S100A7: variants seen among roughly 807,000 people sequenced by gnomAD.
S100A7 encodes the protein S100 calcium binding protein A7, also known as protein S100-A7.
In S100A7, 2 loss-of-function variants were observed where a neutral mutation model predicts 3.8. That is an observed-to-expected ratio of 0.53 (90% CI 0.22 to 1.67). S100A7 has a LOEUF of 1.67. Among genes scored for constraint, S100A7 ranks in the 40% most tolerant of loss-of-function variants. The pLI is 0.20. For missense variants in S100A7, 130 were observed against 126.3 expected (o/e 1.03, Z -0.14); for synonymous variants, 55 against 45.9 (o/e 1.20, Z -0.80).
rs1571203329 is a variant in S100A7 at position 153,458,800 on chromosome 1, G to A, written c.141+73C>T. The A allele has an allele frequency of 2.6e-6, 4 of 1,543,162 alleles. No individual in the cohort carries two copies. The East Asian group carries it at 9.1e-5, about 35-fold the overall frequency. On this transcript the variant is annotated intron_variant, in intron 2 of 2. Coordinates refer to ENST00000368723, the MANE Select transcript of S100A7 (RefSeq NM_002963.4). ...CAAATGGGAAATTTTTTAATCAGAG[G>A]GTGAGGGTGATCTGTCCAAGGCCAC...
intron 1 of S100A7, among the ~76,000 whole-genome samples, chr1:153,459,462 A>T (rs1663769765): frequency 6.6e-6 from 1 of 152,162 alleles, no homozygotes; most frequent in Non-Finnish European, 1.5e-5. Flanking sequence ...GGCCTTGGTG[A>T]TCTGGTGTCT....
At chr1:153,458,751 A>T in intron 2 of S100A7, 122 bp downstream of exon 2, 1 of 1,172,554 alleles carries the variant, frequency 8.5e-7, no homozygotes, top group Non-Finnish European at 1.2e-6. Context: ...TTCACATATG[A>T]TCCAAGTAAT....
chr1:153,459,529 G>T (rs1177279320), intron 1 of S100A7, among the ~76,000 whole-genome samples: 1 of 152,204 alleles, frequency 6.6e-6, no homozygotes, highest in Non-Finnish European at 1.5e-5. Context: ...TGACTCAAGT[G>T]CAAGCCCTGC....
intron 1 of S100A7, among the ~76,000 whole-genome samples, chr1:153,460,370 C>T (rs1159463337): frequency 6.6e-6 from 1 of 152,158 alleles, no homozygotes; most frequent in Non-Finnish European, 1.5e-5. Flanking sequence ...GGGACATTTC[C>T]ACAGGAGTTG....
chr1:153,458,693 T>A (rs1235116269), intron 2 of S100A7, among the ~76,000 whole-genome samples, 180 bp downstream of exon 2: 1 of 152,182 alleles, frequency 6.6e-6, no homozygotes, highest in African/African-American at 2.4e-5. Context: ...CCTTTATATC[T>A]GTATAACTCT....
At chr1:153,458,044 G>A in intron 2 of S100A7, 74 bp from the exon 3 acceptor site, 1 of 1,534,344 alleles carries the variant, frequency 6.5e-7, no homozygotes, top group Non-Finnish European at 8.9e-7. Context: ...GAGAGGAGGA[G>A]GCAGAGATAC....
intron 2 of S100A7, among the ~76,000 whole-genome samples, chr1:153,458,233 G>C (rs1663735521): frequency 6.6e-6 from 1 of 151,978 alleles, no homozygotes; most frequent in African/African-American, 2.4e-5. Context: ...TGACCTTGGG[G>C]AGAGCAGTCC....
At chr1:153,459,154 A>ATT in intron 1 of S100A7, 124 bp from the exon 2 acceptor site, 1 of 1,156,396 alleles carries the variant, frequency 8.6e-7, no homozygotes, top group Non-Finnish European at 1.2e-6. Flanking sequence ...AACGAACTCA[A>ATT]TTTTTTTTTA....
chr1:153,459,737 A>G (rs535433015), intron 1 of S100A7: 1 of 152,232 alleles, frequency 6.6e-6, no homozygotes, highest in Non-Finnish European at 1.5e-5. Context: ...GTGAGGTGGG[A>G]GTCACTTCAT....
rs75540133 is a variant in S100A7, at chr1:153,459,120, A to G, written c.-17-90T>C. On this transcript the variant is annotated intron_variant, in intron 1 of 2. Transcript: ENST00000368723. The stretch of plus-strand genomic sequence containing the variant: ...CTGGAAGGAGGGCTGAGGACAGAGT[A>G]AAAACACGGATAAGGTGTAGCAGAA... The G allele has an allele frequency of 3.9e-4, 570 of 1,457,836 alleles. 5 individuals carry two copies. In the Middle Eastern group the frequency reaches 0.012, roughly 31 times the overall value. 90.3% of individuals were successfully genotyped at this position (1,457,836 alleles called of 1,614,324 possible). A position where few individuals can be genotyped will look rare whatever the true frequency, so the allele number is the denominator to read the frequency against.
chr1:153,459,617 G>A (rs1007880564), intron 1 of S100A7, among the ~76,000 whole-genome samples: 17 of 152,156 alleles, frequency 1.1e-4, no homozygotes, highest in Admixed American at 6.5e-4. Flanking sequence ...GTCCTGTCCC[G>A]AGCACAGGGG....
Position 153,457,927 on chromosome 1 carries a change from T to G in S100A7, c.185A>C (p.Lys62Thr). The G allele has an allele frequency of 6.2e-7, 1 of 1,614,114 alleles. No homozygotes were observed. Among genetic ancestry groups the G allele is most frequent in the Non-Finnish European group, 8.5e-7 (1 of 1,180,006 alleles). ...TNYLADVFEK[K>T]DKNEDKKIDF... is the part of the protein sequence containing the mutation. ...AATCTTCTTATCCTCATTCTTGTCCTTTTTCTCAAAGACATCGGCGAGGTA... is the reference window on the plus strand; with the variant it reads ...AATCTTCTTATCCTCATTCTTGTCCGTTTTCTCAAAGACATCGGCGAGGTA... Residue 62 changes from lysine to threonine, a missense_variant, in exon 3 of 3, where the codon AAG becomes ACG. Coordinates refer to ENST00000368723, the MANE Select transcript of S100A7 (RefSeq NM_002963.4).
intron 1 of S100A7, chr1:153,459,795 C>G (rs1041082901): frequency 2.0e-5 from 3 of 152,188 alleles, no homozygotes; most frequent in Admixed American, 6.5e-5. Context: ...CAAGCCTTGA[C>G]TGTTTAAATA....
rs768769241 is a variant in S100A7 at position 153,458,982 on chromosome 1, A to G, written c.32T>C (p.Ile11Thr). 2 of 1,614,072 alleles carry G rather than the reference A, an allele frequency of 1.2e-6. No individual in the cohort carries two copies. Among genetic ancestry groups the G allele is most frequent in the East Asian group, 2.2e-5 (1 of 44,880 alleles). Reference protein sequence around the residue: MSNTQAERSIIGMIDMFHKYT... With the variant: MSNTQAERSITGMIDMFHKYT... ...TTTGTGAAACATGTCGATCATGCCT[A>G]TTATGGACCTCTCAGCTTGAGTGTT... The change falls in exon 2 of 3, where the codon ATA (isoleucine) becomes ACA (threonine). Residue 11 changes from isoleucine (I) to threonine (T), a missense_variant. Transcript: ENST00000368723.
In S100A7 at chr1:153,458,902, CCTT is replaced by C. The variant is rs765673799; in HGVS notation, c.109_111del (p.Lys37del). 3 of 1,613,864 alleles carry C rather than the reference CCTT, an allele frequency of 1.9e-6. No homozygotes were observed. The highest frequency in any genetic ancestry group is 1.1e-5 in the South Asian group (1 of 91,062). ...GCACTAAGGAAGTTGGGGAAGTTCT[CCTT>C]CATCATCGTCAGCAGGCTTGGCTTC... is the stretch of plus-strand genomic sequence containing the variant. On this transcript the variant is annotated inframe_deletion, in exon 2 of 3. Transcript: ENST00000368723.
chr1:153,459,092 G>T (rs1466890514), intron 1 of S100A7, 62 bp from the exon 2 acceptor site: 3 of 1,568,476 alleles, frequency 1.9e-6, no homozygotes, highest in Non-Finnish European at 2.6e-6. Context: ...CTATTTGGGA[G>T]TGCTGGAAGG....
In S100A7 at chr1:153,458,991, C is replaced by T. The variant is rs1414591332; in HGVS notation, c.23G>A (p.Arg8Lys). Residue 8 changes from arginine to lysine, a missense_variant, in exon 2 of 3, where the codon AGG (arginine) becomes AAG (lysine). Coordinates refer to ENST00000368723, the MANE Select transcript of S100A7 (RefSeq NM_002963.4). MSNTQAE[R>K]SIIGMIDMFH... ...CATGTCGATCATGCCTATTATGGAC[C>T]TCTCAGCTTGAGTGTTGCTCATCTT... 3 of 1,613,908 alleles carry T rather than the reference C, an allele frequency of 1.9e-6. No individual in the cohort carries two copies. The highest frequency in any genetic ancestry group is 1.7e-6 in the Non-Finnish European group (2 of 1,179,934).
intron 1 of S100A7, among the ~76,000 whole-genome samples, chr1:153,460,307 G>C (rs1663798926): frequency 6.6e-6 from 1 of 152,220 alleles, no homozygotes; most frequent in Admixed American, 6.5e-5. Context: ...CCAACAGGAG[G>C]ATGAATCCAG....
At position 153,459,024 on chromosome 1, in the gene S100A7, A is replaced by G; in HGVS notation, c.-11T>C. On this transcript the variant is annotated 5_prime_UTR_variant, in exon 2 of 3. Coordinates refer to ENST00000368723, the MANE Select transcript of S100A7 (RefSeq NM_002963.4). ...TTGAGTGTTGCTCATCTTTGCTTTC[A>G]AAAAGCCTTCAGGAAATAAAGACAA... is the stretch of plus-strand genomic sequence containing the variant. 6.2e-7 allele frequency: 1 copy of G among 1,610,816 alleles called. No homozygotes were observed. Among genetic ancestry groups the G allele is most frequent in the Non-Finnish European group, 8.5e-7 (1 of 1,178,702 alleles).
Sources: allele counts gnomAD v4.1 joint callset (sites outside exome capture counted in the v4.1 genomes callset), GRCh38; gene constraint gnomAD v4.1.1; transcripts MANE v1.5; gene names NCBI Gene and HGNC (gene_info 2026-07-23, HGNC 2026-07-21).